Variants in GPR157 observed in about 807,000 individuals in gnomAD.
GPR157 encodes G protein-coupled receptor 157.
GPR157 carries 16 observed loss-of-function variants against 23.5 expected under a neutral mutation model. That is an observed-to-expected ratio of 0.68 (90% CI 0.46 to 1.04). The LOEUF (loss-of-function observed/expected upper bound fraction) is 1.04, where lower values mean the gene tolerates loss of function less well. Ranked by LOEUF, GPR157 falls within the 50% of genes least tolerant of loss-of-function variation. GPR157 has a pLI of 0.00. For missense variants in GPR157, 440 were observed against 460.7 expected (o/e 0.96, Z 0.41); for synonymous variants, 200 against 221.5 (o/e 0.90, Z 0.86).
Position 9,111,482 on chromosome 1 carries a change from C to A in GPR157, c.391G>T (p.Val131Phe). 6.2e-7 allele frequency: 1 copy of A among 1,612,024 alleles called. No homozygotes were observed. The highest frequency in any genetic ancestry group is 1.3e-5 in the African/African-American group (1 of 74,998). The change falls in exon 2 of 4, where the codon GTC (valine) becomes TTC (phenylalanine). Residue 131 changes from valine to phenylalanine, a missense_variant. By Grantham distance (50) the Val-to-Phe change is conservative. Coordinates refer to ENST00000377411, the MANE Select transcript of GPR157 (RefSeq NM_024980.5). ...LWAFHVVSWGVPLVITVAAVA... is the reference protein window; with the variant it reads ...LWAFHVVSWGFPLVITVAAVA... ...GCTGCCACAGTGATGACCAACGGGACCCCCCAGCTGAGGAAGGAGGAGAGA... is the reference window on the plus strand; with the variant it reads ...GCTGCCACAGTGATGACCAACGGGAACCCCCAGCTGAGGAAGGAGGAGAGA...
Position 9,104,447 on chromosome 1 carries a change from C to T in GPR157, c.980G>A (p.Gly327Glu), listed in dbSNP as rs769798620. 6.2e-7 allele frequency: 1 copy of T among 1,613,756 alleles called. No homozygotes were observed. The highest frequency in any genetic ancestry group is 1.1e-5 in the South Asian group (1 of 91,072). The part of the protein sequence containing the change: ...SKPGESQESQ[G>E]TPGELPST The stretch of plus-strand genomic sequence containing the variant: ...GGTGCTTGGAAGTTCCCCTGGGGTC[C>T]CTTGGGATTCCTGAGATTCTCCTGG... The change falls in exon 4 of 4, where the codon GGG (glycine) becomes GAG (glutamate). Residue 327 changes from glycine to glutamate, a missense_variant. By Grantham distance (98) the Gly-to-Glu change is moderately conservative. Coordinates refer to ENST00000377411, the MANE Select transcript of GPR157 (RefSeq NM_024980.5).
intron 1 of GPR157, among the ~76,000 whole-genome samples, chr1:9,127,548 G>A (rs986850374): frequency 2.6e-5 from 4 of 152,176 alleles, no homozygotes; most frequent in Non-Finnish European, 4.4e-5. Context: ...TCTGAGCCTC[G>A]GTTTGGATGA....
intron 2 of GPR157, among the ~76,000 whole-genome samples, chr1:9,109,082 T>A (rs1336172021): frequency 1.5e-5 from 2 of 130,324 alleles, no homozygotes; most frequent in East Asian, 9.6e-4. Flanking sequence ...GGCCCTAATT[T>A]TTTTTTTTTT....
At position 9,128,537 on chromosome 1, in the gene GPR157, G is replaced by T; in HGVS notation, c.383+108C>A. On this transcript the variant is annotated intron_variant, in intron 1 of 3. Coordinates refer to ENST00000377411, the MANE Select transcript of GPR157 (RefSeq NM_024980.5). This position sits in a 1 kb window ranked among gnomAD's most constrained non-coding sequence, Gnocchi z 6.3. The stretch of plus-strand genomic sequence containing the variant: ...TCGGGGGCGCCAGCAGGCACTGCTT[G>T]CTGTGGGTAGGGGGTGTCCAACCTA... The T allele has an allele frequency of 9.4e-7, 1 of 1,062,784 alleles. No individual in the cohort carries two copies. Among genetic ancestry groups the T allele is most frequent in the Non-Finnish European group, 1.4e-6 (1 of 714,520 alleles). 65.8% of individuals were successfully genotyped at this position (1,062,784 alleles called of 1,614,324 possible).
intron 2 of GPR157, among the ~76,000 whole-genome samples, chr1:9,107,381 G>C (rs1305527814): frequency 1.3e-5 from 2 of 152,198 alleles, no homozygotes; most frequent in Non-Finnish European, 2.9e-5. Context: ...GCTCATGCCT[G>C]AAATTGCAGC....
rs373818819 is a variant in GPR157 at position 9,116,281 on chromosome 1, A to ATTATATGTAATAT, written c.384-4793_384-4792insATATTACATATAA. ...TATTATATATAATATAATTATATAT[A>ATTATATGTAATAT]AATTATATATAAATTATATATATTA... On this transcript the variant is annotated intron_variant, in intron 1 of 3. Transcript: ENST00000377411. Among the ~76,000 whole-genome samples the ATTATATGTAATAT allele has an allele frequency of 1.6e-3, 5 of 3,104 alleles. 1 individual carries two copies. Among genetic ancestry groups the ATTATATGTAATAT allele is most frequent in the Admixed American group, 8.6e-3 (1 of 116 alleles). 2.0% of individuals were successfully genotyped at this position (3,104 alleles called of 152,430 possible).
chr1:9,114,623 CGG>C (rs1267879221), intron 1 of GPR157, among the ~76,000 whole-genome samples: 2 of 152,134 alleles, frequency 1.3e-5, no homozygotes, highest in Non-Finnish European at 2.9e-5. Context: ...GGGGACCACA[CGG>C]AACCGCACTC....
At chr1:9,110,827 T>A (rs1050651150) in intron 2 of GPR157, among the ~76,000 whole-genome samples, 1 of 152,212 alleles carries the variant, frequency 6.6e-6, no homozygotes, top group Non-Finnish European at 1.5e-5. Flanking sequence ...GCGTCACTGA[T>A]TGTGAAATTC....
chr1:9,111,568 G>A, intron 1 of GPR157, 79 bp from the exon 2 acceptor site: 22 of 1,181,784 alleles, frequency 1.9e-5, no homozygotes, highest in Non-Finnish European at 2.7e-5. Context: ...AAATGACGGA[G>A]GACGCCCTTC....
chr1:9,117,895 G>A (rs1437988966), intron 1 of GPR157, among the ~76,000 whole-genome samples: 1 of 152,154 alleles, frequency 6.6e-6, no homozygotes, highest in Non-Finnish European at 1.5e-5. Context: ...AATAAAGCCA[G>A]AACAAGTAAC....
rs1256026527 is a variant in GPR157, at chr1:9,101,783, C to T, written c.*2636G>A. Reference sequence around the variant, plus strand: ...GTCCATCTGGGGAGCCATGTCTCAGCTCTGGCTTGGGTACAGCAGGGAGGG... The same window carrying T: ...GTCCATCTGGGGAGCCATGTCTCAGTTCTGGCTTGGGTACAGCAGGGAGGG... On this transcript the variant is annotated 3_prime_UTR_variant, in exon 4 of 4. Transcript: ENST00000377411. 6.6e-6 allele frequency: 1 copy of T among 152,262 alleles called. No individual in the cohort carries two copies. Among genetic ancestry groups the T allele is most frequent in the Non-Finnish European group, 1.5e-5 (1 of 68,072 alleles). 9.4% of individuals were successfully genotyped at this position (152,262 alleles called of 1,614,324 possible). A position where few individuals can be genotyped will look rare whatever the true frequency, so the allele number is the denominator to read the frequency against.
At chr1:9,122,113 G>A (rs780439253) in intron 1 of GPR157, among the ~76,000 whole-genome samples, 3 of 152,122 alleles carry the variant, frequency 2.0e-5, no homozygotes, top group Non-Finnish European at 2.9e-5. Context: ...GAAGGGCTGC[G>A]CCACTCTTGG....
In GPR157 at chr1:9,102,052, G is replaced by T. The variant is rs1313345050; in HGVS notation, c.*2367C>A. ...CTATTTCTGCCAAGTGGCTTTCCCT[G>T]GAGCAGCCCAGAGCTCTCTTTCAAT... On this transcript the variant is annotated 3_prime_UTR_variant, in exon 4 of 4. Coordinates refer to ENST00000377411, the MANE Select transcript of GPR157 (RefSeq NM_024980.5). 6.6e-6 allele frequency: 1 copy of T among 152,156 alleles called. No individual in the cohort carries two copies. Among genetic ancestry groups the T allele is most frequent in the Non-Finnish European group, 1.5e-5 (1 of 68,052 alleles). 9.4% of individuals were successfully genotyped at this position (152,156 alleles called of 1,614,324 possible).
At chr1:9,109,957 C>T (rs907069833) in intron 2 of GPR157, among the ~76,000 whole-genome samples, 18 of 152,212 alleles carry the variant, frequency 1.2e-4, no homozygotes, top group Non-Finnish European at 1.8e-4. Flanking sequence ...GATGGGTACA[C>T]ACCCTCCTAC....
rs1481476704 is a variant in GPR157, at chr1:9,103,338, A to G, written c.*1081T>C. The G allele has an allele frequency of 2.6e-5, 4 of 151,910 alleles. No homozygotes were observed. The East Asian group carries it at 7.7e-4, about 29-fold the overall frequency. 9.4% of individuals were successfully genotyped at this position (151,910 alleles called of 1,614,324 possible). ...ATCACCATGCCTGGCTAATTTTTGT[A>G]TTTTTAGTAGAGACAGGGTTTCACC... is the stretch of plus-strand genomic sequence containing the variant. On this transcript the variant is annotated 3_prime_UTR_variant, in exon 4 of 4. Transcript: ENST00000377411.
At chr1:9,104,734 C>T (rs562796166) in intron 3 of GPR157, 100 bp from the exon 4 acceptor site, 1 of 830,388 alleles carries the variant, frequency 1.2e-6, no homozygotes, top group African/African-American at 1.7e-5. Context: ...GGTGCGGTGG[C>T]TCACACCTGT....
rs1251618844 is a variant in GPR157, at chr1:9,104,355, A to T, written c.*64T>A. 1 of 1,196,314 alleles carries T rather than the reference A, an allele frequency of 8.4e-7. No homozygotes were observed. The highest frequency in any genetic ancestry group is 2.3e-5 in the East Asian group (1 of 42,608). The allele number at this position is 1,196,314 out of a possible 1,614,324, so 74.1% of individuals were successfully genotyped here. The stretch of plus-strand genomic sequence containing the variant: ...ATGCACTTCTGCCCCTGCAGCAGGG[A>T]CTCACAGAAGTGCCTACCCCCAGGA... On this transcript the variant is annotated 3_prime_UTR_variant, in exon 4 of 4. Transcript: ENST00000377411.
Position 9,128,649 on chromosome 1 carries a change from C to A in GPR157, c.379G>T (p.Val127Phe), listed in dbSNP as rs779333690. The A allele has an allele frequency of 1.7e-5, 28 of 1,612,658 alleles. No individual in the cohort carries two copies. The highest frequency in any genetic ancestry group is 1.9e-5 in the Non-Finnish European group (23 of 1,179,800). ...AGCAGCGCCACCGCCACCCACCTGACGACATGGAAGGCCCAAAGCAGGCGA... is the reference window on the plus strand; with the variant it reads ...AGCAGCGCCACCGCCACCCACCTGAAGACATGGAAGGCCCAAAGCAGGCGA... ...TDRLLWAFHV[V>F]SWGVPLVITV... The change falls in exon 1 of 4, where the codon GTC (valine) becomes TTC (phenylalanine). Residue 127 changes from valine (V) to phenylalanine (F), a missense_variant. Val to Phe is a conservative substitution (Grantham distance 50, BLOSUM62 -1). Coordinates refer to ENST00000377411, the MANE Select transcript of GPR157 (RefSeq NM_024980.5). This position sits in a 1 kb window ranked among gnomAD's most constrained non-coding sequence, Gnocchi z 6.3.
At chr1:9,108,946 C>T (rs1463357410) in intron 2 of GPR157, among the ~76,000 whole-genome samples, 2 of 152,134 alleles carry the variant, frequency 1.3e-5, no homozygotes, top group African/African-American at 4.8e-5. Context: ...CCACCACGCT[C>T]AGCTAATTTT....
Sources: allele counts gnomAD v4.1 joint callset (sites outside exome capture counted in the v4.1 genomes callset), GRCh38; gene constraint gnomAD v4.1.1; non-coding constraint Gnocchi (gnomAD v3.1); transcripts MANE v1.5; gene names NCBI Gene and HGNC (gene_info 2026-07-23, HGNC 2026-07-21).